The following CHLSN variants were observed in gnomAD, a reference collection of about 807,000 sequenced individuals.
The protein encoded by CHLSN is cholesin, also known as protein cholesin.
chr7:1,000,629 AC>A, the CHLSN span: 1 of 1,213,332 alleles, frequency 8.2e-7, no homozygotes, highest in Non-Finnish European at 1.2e-6. Context: ...GAGATCGGGG[AC>A]GCCTCATCTT....
the CHLSN span, among the ~76,000 whole-genome samples, chr7:992,884 C>T: frequency 4.6e-5 from 7 of 152,228 alleles, no homozygotes; most frequent in East Asian, 1.9e-4. Context: ...GCAGGCCCAT[C>T]GCTGGCCAAA....
At chr7:1,107,752 G>A in the CHLSN span, among the ~76,000 whole-genome samples, 7 of 152,274 alleles carry the variant, frequency 4.6e-5, no homozygotes, top group South Asian at 2.1e-4. Context: ...CCCACGCCCC[G>A]GGAGGAAGCA....
At chr7:1,008,751 AAC>A in the CHLSN span, among the ~76,000 whole-genome samples, 2 of 152,098 alleles carry the variant, frequency 1.3e-5, no homozygotes, top group Admixed American at 6.5e-5. Context: ...TCCACACATA[AAC>A]ACACACGTGC....
At chr7:1,104,624 G>A in the CHLSN span, among the ~76,000 whole-genome samples, 2 of 152,190 alleles carry the variant, frequency 1.3e-5, no homozygotes, top group Non-Finnish European at 2.9e-5. Flanking sequence ...ATTACCAGGA[G>A]CGCAGCAAGT....
chr7:987,871 GGGGATCCCCTGTGTGTCCTGA>G, the CHLSN span, among the ~76,000 whole-genome samples: 1 of 151,082 alleles, frequency 6.6e-6, no homozygotes, highest in African/African-American at 2.4e-5. Context: ...TGTGTGTCCT[GGGGATCCCCTGTGTGTCCTGA>G]GGGGTCCCCT....
chr7:985,393 G>C, the CHLSN span: 2 of 1,503,028 alleles, frequency 1.3e-6, no homozygotes, highest in Non-Finnish European at 8.9e-7. Context: ...AGGAGGACGG[G>C]GGCCCCAGTG....
At chr7:1,028,554 G>T in the CHLSN span, 2 of 985,040 alleles carry the variant, frequency 2.0e-6, no homozygotes, top group Non-Finnish European at 2.4e-6. Context: ...CTCTCTGGCC[G>T]CCCGGGTCTC....
At chr7:1,129,388 G>A in the CHLSN span, among the ~76,000 whole-genome samples, 3 of 40,640 alleles carry the variant, frequency 7.4e-5, no homozygotes, top group Admixed American at 7.1e-4. Context: ...TCATCCCACC[G>A]TCACCCGGGC....
At chr7:1,122,728 C>A in the CHLSN span, among the ~76,000 whole-genome samples, 3 of 152,140 alleles carry the variant, frequency 2.0e-5, no homozygotes, top group East Asian at 5.8e-4. Flanking sequence ...GTTAAAGGAA[C>A]GTGAAAACAG....
At chr7:984,507 G>A in the CHLSN span, 118 of 1,552,178 alleles carry the variant, frequency 7.6e-5, no homozygotes, top group African/African-American at 1.5e-4. Flanking sequence ...AGGCGCTGGC[G>A]GGCCCCGGGC....
chr7:1,018,588 G>A, the CHLSN span, among the ~76,000 whole-genome samples: 157 of 152,196 alleles, frequency 1.0e-3, 5 homozygotes, highest in Admixed American at 0.01. Flanking sequence ...GTGCACGCGG[G>A]CGGGTGGGGT....
At chr7:1,040,813 A>T in the CHLSN span, among the ~76,000 whole-genome samples, 1 of 152,256 alleles carries the variant, frequency 6.6e-6, no homozygotes, top group African/African-American at 2.4e-5. Flanking sequence ...AATATGTACA[A>T]ACCACACATA....
chr7:1,055,786 G>A, the CHLSN span, among the ~76,000 whole-genome samples: 59 of 152,288 alleles, frequency 3.9e-4, no homozygotes, highest in African/African-American at 1.2e-3. Context: ...CTCCCGCTCC[G>A]ATCTTCTAAT....
chr7:1,007,538 A>G, the CHLSN span, among the ~76,000 whole-genome samples: 2 of 152,240 alleles, frequency 1.3e-5, no homozygotes, highest in Admixed American at 1.3e-4. Flanking sequence ...TGGCAGCCAG[A>G]TGCGGCTGGG....
chr7:1,014,379 G>T, the CHLSN span, among the ~76,000 whole-genome samples: 1 of 152,184 alleles, frequency 6.6e-6, no homozygotes. Flanking sequence ...ATTTTAAAAG[G>T]TTCCCGTAGA....
At chr7:1,092,200 G>A in the CHLSN span, 8 of 1,612,928 alleles carry the variant, frequency 5.0e-6, no homozygotes, top group Admixed American at 5.0e-5. Flanking sequence ...CCGCTACATC[G>A]CCCTGGCCAG....
the CHLSN span, among the ~76,000 whole-genome samples, chr7:1,017,362 G>C: frequency 3.3e-5 from 5 of 152,198 alleles, no homozygotes; most frequent in South Asian, 1.0e-3. Flanking sequence ...GACACCACCA[G>C]CCTGGCCTGC....
At chr7:1,113,537 C>T in the CHLSN span, among the ~76,000 whole-genome samples, 1 of 152,182 alleles carries the variant, frequency 6.6e-6, no homozygotes, top group Admixed American at 6.5e-5. Flanking sequence ...TGGGTCACCA[C>T]GCCCCACAGG....
chr7:1,099,877 A>G, the CHLSN span, among the ~76,000 whole-genome samples: 88,485 of 152,168 alleles, frequency 0.58, 26,934 homozygotes, highest in African/African-American at 0.78. Context: ...GCCACGGTGC[A>G]GCAGACGCAC....
Sources: allele counts gnomAD v4.1 joint callset (sites outside exome capture counted in the v4.1 genomes callset), GRCh38; gene constraint gnomAD v4.1.1; transcripts MANE v1.5; gene names NCBI Gene and HGNC (gene_info 2026-07-23, HGNC 2026-07-21).